PDE9A: variants seen among roughly 807,000 people sequenced by gnomAD.
The protein encoded by PDE9A is high affinity cGMP-specific 3',5'-cyclic phosphodiesterase 9A.
In PDE9A, 60 loss-of-function variants were observed where a neutral mutation model predicts 87.4. The ratio of observed to expected loss-of-function variants is 0.69; its 90% CI spans 0.56 to 0.85. The LOEUF is 0.85. Among genes scored for constraint, PDE9A ranks in the 40% least tolerant of loss-of-function variants. The probability of loss-of-function intolerance (pLI) is 0.00; values close to 1 mark genes in which losing one functional copy is unlikely to be tolerated. For synonymous variants in PDE9A, 272 were observed against 279.4 expected (o/e 0.97, Z 0.27); for missense variants, 665 against 779.0 (o/e 0.85, Z 1.74).
chr21:42,697,929 C>T (rs1025774988), intron 3 of PDE9A, among the ~76,000 whole-genome samples: 5 of 152,226 alleles, frequency 3.3e-5, no homozygotes, highest in African/African-American at 1.2e-4. Context: ...TGGAGAGATG[C>T]ACAGACTGAC....
At chr21:42,747,782 C>T (rs950879088) in intron 8 of PDE9A, among the ~76,000 whole-genome samples, 1 of 152,218 alleles carries the variant, frequency 6.6e-6, no homozygotes, top group African/African-American at 2.4e-5. Flanking sequence ...GGGGAGTCTG[C>T]AGGAGCCTGG....
Position 42,722,011 on chromosome 21 carries a change from C to T in PDE9A, c.263-9759C>T, listed in dbSNP as rs192226976. On this transcript the variant is annotated intron_variant, in intron 4 of 19. Transcript: ENST00000291539. This position sits in a 1 kb window ranked among gnomAD's most constrained non-coding sequence, Gnocchi z 4.1. ...TTTTTTTTTGAGATGGAATCTTGCT[C>T]TGTCACCAGGCTGGAGTGCAGTGGC... Among the ~76,000 whole-genome samples the T allele has an allele frequency of 3.1e-3, 462 of 150,076 alleles. 3 individuals are homozygous for T. Among genetic ancestry groups the T allele is most frequent in the Middle Eastern group, 0.024 (7 of 290 alleles).
At chr21:42,749,840 T>C (rs2054236287) in intron 8 of PDE9A, among the ~76,000 whole-genome samples, 1 of 152,214 alleles carries the variant, frequency 6.6e-6, no homozygotes, top group Non-Finnish European at 1.5e-5. Flanking sequence ...TCCATCTTTG[T>C]TTAAAAGTAC....
chr21:42,762,688 TTTTA>T (rs907223994), intron 14 of PDE9A, among the ~76,000 whole-genome samples: 5 of 151,916 alleles, frequency 3.3e-5, no homozygotes, highest in Non-Finnish European at 5.9e-5. Flanking sequence ...GCCCCCTTCC[TTTTA>T]TTTATTTTTT....
At chr21:42,676,526 C>T (rs1258195953) in intron 1 of PDE9A, among the ~76,000 whole-genome samples, 1 of 152,230 alleles carries the variant, frequency 6.6e-6, no homozygotes, top group Non-Finnish European at 1.5e-5. Context: ...TGGGATTACA[C>T]AGTATGTAAC....
intron 4 of PDE9A, among the ~76,000 whole-genome samples, chr21:42,708,105 C>T (rs1014900385): frequency 1.3e-5 from 2 of 152,186 alleles, no homozygotes; most frequent in African/African-American, 2.4e-5. Flanking sequence ...ATAATATTGT[C>T]TATTTCAGTG....
chr21:42,683,060 G>A (rs2059256121), intron 1 of PDE9A, among the ~76,000 whole-genome samples: 10 of 152,204 alleles, frequency 6.6e-5, no homozygotes, highest in Admixed American at 6.5e-4. Context: ...AAGAAGACAG[G>A]GAAAGGGCTT....
At chr21:42,684,316 A>G (rs1414300275) in intron 1 of PDE9A, among the ~76,000 whole-genome samples, 1 of 151,984 alleles carries the variant, frequency 6.6e-6, no homozygotes, top group Non-Finnish European at 1.5e-5. Flanking sequence ...TAAGTCCGCC[A>G]CACCGGAAGG....
At chr21:42,761,663 T>C (rs1279116007) in intron 13 of PDE9A, among the ~76,000 whole-genome samples, 3 of 152,224 alleles carry the variant, frequency 2.0e-5, no homozygotes, top group African/African-American at 7.2e-5. Flanking sequence ...CACACCCATC[T>C]GTTCCCCTTT....
In PDE9A at chr21:42,692,868, C is replaced by T. The variant is rs571591644; in HGVS notation, c.218+4874C>T. On this transcript the variant is annotated intron_variant, in intron 3 of 19. Transcript: ENST00000291539. This position sits in a 1 kb window ranked among gnomAD's most constrained non-coding sequence, Gnocchi z 4.3. Reference sequence around the variant, plus strand: ...TTCGGGGCCCGCACGCCTTGCTCCTCGCACTCTTCCTGCACCGGAGCCGCG... The same window carrying T: ...TTCGGGGCCCGCACGCCTTGCTCCTTGCACTCTTCCTGCACCGGAGCCGCG... 2.6e-5 allele frequency among the ~76,000 whole-genome samples: 4 copies of T among 152,328 alleles called. No individual in the cohort carries two copies. In the South Asian group the frequency reaches 8.3e-4, roughly 32 times the overall value.
In PDE9A at chr21:42,775,346, G is replaced by T. The variant is rs2057410962; in HGVS notation, c.*53G>T. On this transcript the variant is annotated 3_prime_UTR_variant, in exon 20 of 20. Coordinates refer to ENST00000291539, the MANE Select transcript of PDE9A (RefSeq NM_002606.3). ...TGGACGGGCTGGCCGAGCTGCGCGG[G>T]ATCCTTGTGCAGGGAAGAGCTGCCC... The T allele has an allele frequency of 6.3e-7, 1 of 1,588,158 alleles. No homozygotes were observed. The highest frequency in any genetic ancestry group is 1.4e-5 in the African/African-American group (1 of 73,698).
rs368563471 is a variant in PDE9A, at chr21:42,770,674, C to T, written c.1591-29C>T. ...TTCCCATTGCCTTAAGAACGAGGGA[C>T]TCTGAATAAATCCGTGTGTCTCTCC... On this transcript the variant is annotated intron_variant, in intron 17 of 19. Coordinates refer to ENST00000291539, the MANE Select transcript of PDE9A (RefSeq NM_002606.3). 7 of 1,558,504 alleles carry T rather than the reference C, an allele frequency of 4.5e-6. No individual in the cohort carries two copies. In the African/African-American group the frequency reaches 5.4e-5, roughly 12 times the overall value.
At chr21:42,707,631 C>T (rs2048951348) in intron 4 of PDE9A, among the ~76,000 whole-genome samples, 1 of 152,190 alleles carries the variant, frequency 6.6e-6, no homozygotes, top group African/African-American at 2.4e-5. Flanking sequence ...TAGCCCCCAG[C>T]TCCTTGTCTC....
chr21:42,740,742 AGATAGATAAACAG>A (rs2053133946), intron 7 of PDE9A, among the ~76,000 whole-genome samples: 1 of 142,638 alleles, frequency 7.0e-6, no homozygotes, highest in Non-Finnish European at 1.5e-5. Context: ...ATAGATAGAT[AGATAGATAAACAG>A]GATAGATAGA....
chr21:42,726,608 A>T (rs1444473276), intron 4 of PDE9A, among the ~76,000 whole-genome samples: 25 of 22,108 alleles, frequency 1.1e-3, no homozygotes, highest in African/African-American at 8.8e-3. Flanking sequence ...ATATATATAT[A>T]TATATATATA....
chr21:42,666,948 C>T (rs1482365319), intron 1 of PDE9A, among the ~76,000 whole-genome samples: 1 of 151,978 alleles, frequency 6.6e-6, no homozygotes, highest in East Asian at 1.9e-4. Flanking sequence ...GGTTGAAAGG[C>T]GGCACCAAGG....
chr21:42,690,870 C>T (rs555750355), intron 3 of PDE9A, among the ~76,000 whole-genome samples: 3 of 152,270 alleles, frequency 2.0e-5, no homozygotes, highest in Non-Finnish European at 4.4e-5. Context: ...GCAGAACCAG[C>T]TTCTGCTTAT....
At chr21:42,654,804 C>T (rs1300206654) in intron 1 of PDE9A, among the ~76,000 whole-genome samples, 1 of 152,192 alleles carries the variant, frequency 6.6e-6, no homozygotes, top group East Asian at 1.9e-4. Context: ...ACAAGCCTCC[C>T]TCACCCTGTG....
At position 42,759,284 on chromosome 21, in the gene PDE9A, C is replaced by A. The variant is rs980295946; in HGVS notation, c.897+199C>A. Among the ~76,000 whole-genome samples, 1 of 152,116 alleles carries A rather than the reference C, an allele frequency of 6.6e-6. No individual in the cohort carries two copies. The highest frequency in any genetic ancestry group is 1.5e-5 in the Non-Finnish European group (1 of 68,024). Reference sequence around the variant, plus strand: ...CTTCCACCAAAACCTTCTTTACGCCCGAGCTACTCCTGCTCTGATAAGCAA... The same window carrying A: ...CTTCCACCAAAACCTTCTTTACGCCAGAGCTACTCCTGCTCTGATAAGCAA... On this transcript the variant is annotated intron_variant, in intron 11 of 19. Coordinates refer to ENST00000291539, the MANE Select transcript of PDE9A (RefSeq NM_002606.3). The surrounding 1 kb of genome is among the most constrained non-coding windows in gnomAD (Gnocchi z 7.2).
Sources: allele counts gnomAD v4.1 joint callset (sites outside exome capture counted in the v4.1 genomes callset), GRCh38; gene constraint gnomAD v4.1.1; non-coding constraint Gnocchi (gnomAD v3.1); transcripts MANE v1.5; gene names NCBI Gene and HGNC (gene_info 2026-07-23, HGNC 2026-07-21).